IPO7: variants seen among roughly 807,000 people sequenced by gnomAD.
The protein encoded by IPO7 is importin-7.
A neutral mutation model predicts 136.4 loss-of-function variants in IPO7; 13 were observed. The ratio of observed to expected loss-of-function variants is 0.10; its 90% CI spans 0.06 to 0.15. The LOEUF (loss-of-function observed/expected upper bound fraction) is 0.15, where lower values mean the gene tolerates loss of function less well. Among genes scored for constraint, IPO7 ranks in the 10% least tolerant of loss-of-function variants. The probability of loss-of-function intolerance (pLI) is 1.00; values close to 1 mark genes in which losing one functional copy is unlikely to be tolerated. For synonymous variants in IPO7, 403 were observed against 404.4 expected, an observed-to-expected ratio of 1.00 and a Z score of 0.04; for missense variants, 857 against 1,240.6, an observed-to-expected ratio of 0.69 and a Z score of 4.65.
At chr11:9,399,431 G>A (rs1463256356) in intron 1 of IPO7, among the ~76,000 whole-genome samples, 1 of 152,148 alleles carries the variant, frequency 6.6e-6, no homozygotes, top group African/African-American at 2.4e-5. Flanking sequence ...AAAGTGCTGG[G>A]ATTACAGGCG....
At chr11:9,425,303 A>G (rs760000150) in intron 12 of IPO7, 41 bp downstream of exon 12, 14 of 1,181,238 alleles carry the variant, frequency 1.2e-5, no homozygotes, top group Non-Finnish European at 1.8e-5. Context: ...CTATGCAAGT[A>G]GTTTTAAAAA....
rs1482341741 is a variant in IPO7 at position 9,430,895 on chromosome 11, A to G, written c.1773A>G (p.Val591=). Residue 591 remains valine (V), a synonymous_variant, in exon 16 of 25, where the codon GTA becomes GTG. Transcript: ENST00000379719. ...TQHLAMTFNQ[V]IQTGPDEEGS... ...TCTAGGCAATGACATTTAACCAAGT[A>G]ATCCAGACGGGGCCAGATGAAGAAG... is the stretch of plus-strand genomic sequence containing the variant. 7 of 1,612,016 alleles carry G rather than the reference A, an allele frequency of 4.3e-6. No individual in the cohort carries two copies. Among genetic ancestry groups the G allele is most frequent in the Non-Finnish European group, 5.9e-6 (7 of 1,179,254 alleles).
chr11:9,434,951 C>T lies in IPO7; in HGVS notation c.2092C>T (p.His698Tyr). The T allele has an allele frequency of 6.3e-7, 1 of 1,592,506 alleles. No homozygotes were observed. Among genetic ancestry groups the T allele is most frequent in the Non-Finnish European group, 8.6e-7 (1 of 1,161,040 alleles). ...TAATACAGATATGATGCCCCTCCTTCATAATTATGTAACAGTTGATACAGA... is the reference window on the plus strand; with the variant it reads ...TAATACAGATATGATGCCCCTCCTTTATAATTATGTAACAGTTGATACAGA... ...DYFTDMMPLL[H>Y]NYVTVDTDTL... is the part of the protein sequence containing the mutation. Residue 698 changes from histidine to tyrosine, a missense_variant, in exon 19 of 25, where the codon CAT becomes TAT. Around this residue, in one of 11 missense-constraint regions of IPO7, gnomAD observed 190 missense variants for 249.0 expected, o/e 0.76. Coordinates refer to ENST00000379719, the MANE Select transcript of IPO7 (RefSeq NM_006391.3).
chr11:9,434,078 C>T (rs928593956), intron 18 of IPO7, among the ~76,000 whole-genome samples: 4 of 151,934 alleles, frequency 2.6e-5, no homozygotes, highest in African/African-American at 4.8e-5. Context: ...CATGCGCCAC[C>T]ATGCCCGGCT....
At chr11:9,403,164 CTG>C (rs1458474946) in intron 1 of IPO7, 124 bp from the exon 2 acceptor site, 2 of 689,604 alleles carry the variant, frequency 2.9e-6, no homozygotes, top group Non-Finnish European at 2.6e-6. Flanking sequence ...AGAAATAAGA[CTG>C]GAACCAGTTA....
At position 9,442,070 on chromosome 11, in the gene IPO7, T is replaced by C. The variant is rs1855466428; in HGVS notation, c.2903-11T>C. On this transcript the variant is annotated splice_polypyrimidine_tract_variant and intron_variant, in intron 23 of 24. Coordinates refer to ENST00000379719, the MANE Select transcript of IPO7 (RefSeq NM_006391.3). ...TCATGTTGTTTTTCCCTTGTTTTTATTTTTTGATAGCTATTCAAAATCGTA... is the reference window on the plus strand; with the variant it reads ...TCATGTTGTTTTTCCCTTGTTTTTACTTTTTGATAGCTATTCAAAATCGTA... 1 of 1,337,400 alleles carries C rather than the reference T, an allele frequency of 7.5e-7. No homozygotes were observed. Among genetic ancestry groups the C allele is most frequent in the South Asian group, 1.2e-5 (1 of 84,752 alleles). The allele number at this position is 1,337,400 out of a possible 1,614,324, so 82.8% of individuals were successfully genotyped here. A position where few individuals can be genotyped will look rare whatever the true frequency, so the allele number is the denominator to read the frequency against.
chr11:9,413,025 G>T (rs1160080096), intron 4 of IPO7, among the ~76,000 whole-genome samples: 1 of 151,062 alleles, frequency 6.6e-6, no homozygotes, highest in African/African-American at 2.4e-5. Flanking sequence ...GACTATAGGC[G>T]CCCGCCACCA....
At chr11:9,437,331 C>T (rs2133763931) in intron 20 of IPO7, among the ~76,000 whole-genome samples, 1 of 69,782 alleles carries the variant, frequency 1.4e-5, no homozygotes, top group African/African-American at 3.4e-5. Context: ...GATCTCAGCT[C>T]ACTGCCTCTG....
intron 1 of IPO7, among the ~76,000 whole-genome samples, chr11:9,398,877 T>C (rs1854753165): frequency 6.6e-6 from 1 of 152,202 alleles, no homozygotes; most frequent in African/African-American, 2.4e-5. Flanking sequence ...TGTTTCTTTC[T>C]TGTTGAAAGA....
At chr11:9,416,970 A>T in intron 5 of IPO7, 89 bp from the exon 6 acceptor site, 1 of 584,914 alleles carries the variant, frequency 1.7e-6, no homozygotes, top group Non-Finnish European at 3.1e-6. Context: ...ATTGAATGAA[A>T]TACTTTTGGT....
At chr11:9,429,903 C>A in intron 15 of IPO7, 69 bp downstream of exon 15, 1 of 1,186,014 alleles carries the variant, frequency 8.4e-7, no homozygotes, top group Non-Finnish European at 1.2e-6. Context: ...CAGGTTGTGT[C>A]ACCAGTGGCT....
chr11:9,405,487 A>G (rs117857679), intron 2 of IPO7, among the ~76,000 whole-genome samples: 7,259 of 152,090 alleles, frequency 0.048, 241 homozygotes, highest in South Asian at 0.077. Flanking sequence ...CAGTAGCCTC[A>G]TCTTGACTCA....
At chr11:9,415,307 A>G (rs893998802) in intron 5 of IPO7, among the ~76,000 whole-genome samples, 1 of 150,424 alleles carries the variant, frequency 6.6e-6, no homozygotes, top group Non-Finnish European at 1.5e-5. Flanking sequence ...GGGCAACAAG[A>G]GCAAAACTCT....
At chr11:9,432,586 T>C (rs1457168432) in intron 16 of IPO7, among the ~76,000 whole-genome samples, 3 of 151,014 alleles carry the variant, frequency 2.0e-5, no homozygotes, top group Non-Finnish European at 4.4e-5. Flanking sequence ...TTTTAACAGA[T>C]TAATTGTTTA....
chr11:9,391,550 A>G (rs1854633154), intron 1 of IPO7, among the ~76,000 whole-genome samples: 1 of 152,082 alleles, frequency 6.6e-6, no homozygotes, highest in Admixed American at 6.6e-5. Context: ...TACTAAAAAT[A>G]CAGAAAATTA....
At chr11:9,444,072 T>C (rs6486359) in intron 24 of IPO7, among the ~76,000 whole-genome samples, 66,929 of 151,758 alleles carry the variant, frequency 0.44, 15,055 homozygotes, top group African/African-American at 0.51. Context: ...GTCAGGAGTT[T>C]GAGAGCAGCC....
chr11:9,397,254 G>A (rs878964291), intron 1 of IPO7, among the ~76,000 whole-genome samples: 2 of 145,762 alleles, frequency 1.4e-5, no homozygotes, highest in Admixed American at 1.4e-4. Flanking sequence ...TTTTAGGCTG[G>A]GCGCAGTGGA....
rs1197201735 is a variant in IPO7, at chr11:9,442,202, GTTAATTAAC to G, written c.3019+7_3019+15del. The G allele has an allele frequency of 7.4e-7, 1 of 1,350,608 alleles. No individual in the cohort carries two copies. Among genetic ancestry groups the G allele is most frequent in the African/African-American group, 1.4e-5 (1 of 69,328 alleles). 83.7% of individuals were successfully genotyped at this position (1,350,608 alleles called of 1,614,324 possible). A position where few individuals can be genotyped will look rare whatever the true frequency, so the allele number is the denominator to read the frequency against. On this transcript the variant is annotated splice_donor_region_variant and intron_variant, in intron 24 of 24. Transcript: ENST00000379719. Reference sequence around the variant, plus strand: ...ATCAAAGAAGAGCAGCCCATGGTATGTTAATTAACTGTAACTCCTCTTTAATTAGTGACT... The same window carrying G: ...ATCAAAGAAGAGCAGCCCATGGTATGTGTAACTCCTCTTTAATTAGTGACT...
At chr11:9,390,249 G>A (rs1191695713) in intron 1 of IPO7, among the ~76,000 whole-genome samples, 5 of 151,540 alleles carry the variant, frequency 3.3e-5, no homozygotes, top group Non-Finnish European at 5.9e-5. Context: ...ATATGAAAAA[G>A]TGATCTTGCT....
Sources: gnomAD v4.1 joint callset for allele counts (sites outside exome capture counted in the v4.1 genomes callset) on GRCh38, gnomAD v4.1.1 for gene constraint, gnomAD v4.1.1 regional missense constraint, MANE v1.5 for transcripts, NCBI Gene and HGNC (gene_info 2026-07-23, HGNC 2026-07-21) for gene names.